Variants in SGCZ observed in about 807,000 individuals in gnomAD.
SGCZ encodes sarcoglycan zeta, also known as zeta-sarcoglycan.
Under a neutral mutation model 41.3 loss-of-function variants are expected in SGCZ, and 40 were observed. That is an observed-to-expected ratio of 0.97 (90% confidence interval 0.75 to 1.26). The LOEUF (loss-of-function observed/expected upper bound fraction) is 1.26, where lower values mean the gene tolerates loss of function less well. Ranked by LOEUF, SGCZ falls within the 50% of genes most tolerant of loss-of-function variation. SGCZ has a pLI of 0.00. For synonymous variants in SGCZ, 206 were observed against 137.5 expected, an observed-to-expected ratio of 1.50 and a Z score of -3.49; for missense variants, 552 against 369.8, an observed-to-expected ratio of 1.49 and a Z score of -4.04.
chr8:14,742,306 C>T (rs886388468), intron 1 of SGCZ, among the ~76,000 whole-genome samples: 40 of 151,880 alleles, frequency 2.6e-4, no homozygotes, highest in Non-Finnish European at 4.6e-4. Flanking sequence ...TGCACGTGCA[C>T]GCGCGCTCAC....
At chr8:15,004,087 A>C (rs1410987862) in intron 1 of SGCZ, among the ~76,000 whole-genome samples, 3 of 152,084 alleles carry the variant, frequency 2.0e-5, no homozygotes, top group Non-Finnish European at 4.4e-5. Context: ...AGAGGAGGAG[A>C]AATACCTGTG....
intron 1 of SGCZ, among the ~76,000 whole-genome samples, chr8:14,580,419 C>T (rs1324446983): frequency 6.6e-6 from 1 of 151,992 alleles, no homozygotes; most frequent in African/African-American, 2.4e-5. Flanking sequence ...CCTTTTAAAA[C>T]ACAGTTAAAT....
intron 1 of SGCZ, among the ~76,000 whole-genome samples, chr8:14,984,175 C>G (rs1301092438): frequency 6.6e-6 from 1 of 152,150 alleles, no homozygotes; most frequent in Non-Finnish European, 1.5e-5. Flanking sequence ...AACCCAGAGC[C>G]ACTACTGTTT....
intron 1 of SGCZ, among the ~76,000 whole-genome samples, chr8:14,928,619 T>A (rs544016313): frequency 2.0e-5 from 3 of 152,314 alleles, no homozygotes; most frequent in Non-Finnish European, 4.4e-5. Flanking sequence ...CTCATTAATT[T>A]GTGGAGAATT....
intron 1 of SGCZ, among the ~76,000 whole-genome samples, chr8:14,669,560 A>G (rs1808034396): frequency 6.6e-6 from 1 of 152,086 alleles, no homozygotes; most frequent in African/African-American, 2.4e-5. Context: ...ATATATAAGT[A>G]AGATCATGCA....
At chr8:14,224,373 G>T (rs1017366367) in intron 4 of SGCZ, among the ~76,000 whole-genome samples, 1 of 152,150 alleles carries the variant, frequency 6.6e-6, no homozygotes, top group Non-Finnish European at 1.5e-5. Flanking sequence ...CAGGTACTAT[G>T]GTGAGTGTGA....
At chr8:14,629,323 G>A (rs571078985) in intron 1 of SGCZ, among the ~76,000 whole-genome samples, 2 of 151,048 alleles carry the variant, frequency 1.3e-5, no homozygotes, top group Non-Finnish European at 1.5e-5. Flanking sequence ...TTTAAAAATT[G>A]TTTTTAGTGA....
chr8:14,253,046 G>A (rs1333055011), intron 3 of SGCZ, among the ~76,000 whole-genome samples: 1 of 152,032 alleles, frequency 6.6e-6, no homozygotes. Context: ...CATAACCAAT[G>A]AACTCATTAT....
chr8:14,822,735 T>G (rs1022436140), intron 1 of SGCZ, among the ~76,000 whole-genome samples: 2 of 151,852 alleles, frequency 1.3e-5, no homozygotes, highest in African/African-American at 4.8e-5. Context: ...AGACAGTCTC[T>G]TCAATAAATT....
chr8:15,158,620 G>A (rs991770363), intron 1 of SGCZ, among the ~76,000 whole-genome samples: 2 of 152,082 alleles, frequency 1.3e-5, no homozygotes, highest in African/African-American at 2.4e-5. Context: ...AATTCATTTG[G>A]AACTTATAAT....
In SGCZ at chr8:15,170,109, A is replaced by G. The variant is rs111376668; in HGVS notation, c.39+67476T>C. Among the ~76,000 whole-genome samples the G allele has an allele frequency of 5.8e-3, 858 of 148,396 alleles. 4 individuals are homozygous for G. Among genetic ancestry groups the G allele is most frequent in the African/African-American group, 0.02 (817 of 40,224 alleles). On this transcript the variant is annotated intron_variant, in intron 1 of 7. Coordinates refer to ENST00000382080, the MANE Select transcript of SGCZ (RefSeq NM_139167.4). ...AATTGAAAAACTTTCTGTCAATATG[A>G]TAGATGATCAGTAATTAAATTTTTT... is the stretch of plus-strand genomic sequence containing the variant.
At chr8:14,888,946 A>G (rs867389925) in intron 1 of SGCZ, among the ~76,000 whole-genome samples, 2 of 152,274 alleles carry the variant, frequency 1.3e-5, no homozygotes, top group South Asian at 4.1e-4. Context: ...GCATATTTCA[A>G]ATAAATCACT....
chr8:14,200,023 C>G (rs1274661778), intron 4 of SGCZ, among the ~76,000 whole-genome samples: 2 of 152,112 alleles, frequency 1.3e-5, no homozygotes, highest in African/African-American at 4.8e-5. Context: ...ACGACGTAAA[C>G]AGAAACGTAT....
chr8:14,400,183 G>A (rs533899105), intron 2 of SGCZ, among the ~76,000 whole-genome samples: 41 of 150,084 alleles, frequency 2.7e-4, no homozygotes, highest in East Asian at 9.8e-4. Context: ...ATCTAATAGC[G>A]TGTATTGATA....
At chr8:15,163,850 G>T (rs1305277521) in intron 1 of SGCZ, among the ~76,000 whole-genome samples, 1 of 152,142 alleles carries the variant, frequency 6.6e-6, no homozygotes. Context: ...ACATACCATG[G>T]TGTCTTTTGG....
chr8:15,113,934 T>TC (rs1349409670), intron 1 of SGCZ, among the ~76,000 whole-genome samples: 1 of 152,186 alleles, frequency 6.6e-6, no homozygotes, highest in Admixed American at 6.5e-5. Context: ...ATGGGCTTTT[T>TC]CCCCACGCAT....
At chr8:14,768,374 T>A (rs1380812331) in intron 1 of SGCZ, among the ~76,000 whole-genome samples, 1 of 152,212 alleles carries the variant, frequency 6.6e-6, no homozygotes, top group African/African-American at 2.4e-5. Context: ...CGTCCTATAG[T>A]GATAATGAAC....
chr8:14,880,564 T>C (rs541950316), intron 1 of SGCZ, among the ~76,000 whole-genome samples: 70 of 152,184 alleles, frequency 4.6e-4, no homozygotes, highest in African/African-American at 1.5e-3. Context: ...AAATGTCCAA[T>C]GATGATAGAC....
chr8:14,102,565 G>T (rs1465723512), intron 6 of SGCZ, 66 bp from the exon 7 acceptor site: 4 of 1,251,368 alleles, frequency 3.2e-6, no homozygotes, highest in Non-Finnish European at 4.1e-6. Flanking sequence ...ATAGAAAAAA[G>T]AAAATTTTTG....
Sources: gnomAD v4.1 joint callset for allele counts (sites outside exome capture counted in the v4.1 genomes callset) on GRCh38, gnomAD v4.1.1 for gene constraint, MANE v1.5 for transcripts, NCBI Gene and HGNC (gene_info 2026-07-23, HGNC 2026-07-21) for gene names.